The following TMEFF1 variants were observed in gnomAD, a reference collection of about 807,000 sequenced individuals.
TMEFF1 encodes transmembrane protein with EGF like and two follistatin like domains 1.
Under a neutral mutation model 47.5 loss-of-function variants are expected in TMEFF1, and 20 were observed. That is an observed-to-expected ratio of 0.42 (90% CI 0.30 to 0.61). TMEFF1 has a LOEUF of 0.61. Among genes scored for constraint, TMEFF1 ranks in the 20% least tolerant of loss-of-function variants. The probability of loss-of-function intolerance (pLI) is 0.19; values close to 1 mark genes in which losing one functional copy is unlikely to be tolerated. For synonymous variants in TMEFF1, 162 were observed against 166.3 expected (o/e 0.97, Z 0.20); for missense variants, 411 against 471.1 (o/e 0.87, Z 1.18).
chr9:100,576,382 T>G (rs1839354514), intron 9 of TMEFF1, 134 bp from the exon 10 acceptor site: 1 of 1,110,646 alleles, frequency 9.0e-7, no homozygotes, highest in Non-Finnish European at 1.3e-6. Flanking sequence ...AGATACCATC[T>G]CATTTCCCTT....
chr9:100,536,744 T>C (rs1838519699), intron 5 of TMEFF1, among the ~76,000 whole-genome samples: 1 of 152,226 alleles, frequency 6.6e-6, no homozygotes, highest in South Asian at 2.1e-4. Context: ...AACTGTAATG[T>C]ATATGAATCT....
At chr9:100,526,461 T>A (rs1806574921) in intron 5 of TMEFF1, among the ~76,000 whole-genome samples, 1 of 152,138 alleles carries the variant, frequency 6.6e-6, no homozygotes, top group Non-Finnish European at 1.5e-5. Context: ...TGTTTTAAGT[T>A]TTTTTTGCTG....
intron 8 of TMEFF1, among the ~76,000 whole-genome samples, chr9:100,570,106 G>A (rs910527794): frequency 6.6e-6 from 1 of 152,088 alleles, no homozygotes; most frequent in Non-Finnish European, 1.5e-5. Context: ...GCAAATGATA[G>A]GATTTCCTTC....
At chr9:100,527,380 C>T (rs987457795) in intron 5 of TMEFF1, among the ~76,000 whole-genome samples, 6 of 152,150 alleles carry the variant, frequency 3.9e-5, no homozygotes, top group Non-Finnish European at 8.8e-5. Flanking sequence ...TCAGTGGGTG[C>T]GCGCACAGTG....
chr9:100,487,895 G>T (rs1837482165), intron 1 of TMEFF1, among the ~76,000 whole-genome samples: 1 of 151,916 alleles, frequency 6.6e-6, no homozygotes, highest in Admixed American at 6.6e-5. Flanking sequence ...TAATGCACCA[G>T]AATTTTGTGA....
At chr9:100,541,603 A>C (rs564659965) in intron 5 of TMEFF1, among the ~76,000 whole-genome samples, 20 of 151,690 alleles carry the variant, frequency 1.3e-4, no homozygotes, top group African/African-American at 4.8e-4. Context: ...CAAACTCCTC[A>C]CCTCGTGATC....
intron 5 of TMEFF1, among the ~76,000 whole-genome samples, chr9:100,542,744 T>G (rs1368780363): frequency 1.3e-5 from 2 of 152,180 alleles, no homozygotes; most frequent in African/African-American, 4.8e-5. Context: ...GTGGATCCAT[T>G]TTTAGTAATC....
chr9:100,529,232 CACAT>C (rs1239021083), intron 5 of TMEFF1, among the ~76,000 whole-genome samples: 1 of 149,686 alleles, frequency 6.7e-6, no homozygotes, highest in African/African-American at 2.4e-5. Context: ...ATCAAATTCA[CACAT>C]AACAATATTA....
intron 1 of TMEFF1, among the ~76,000 whole-genome samples, chr9:100,485,044 A>G (rs1837423449): frequency 6.6e-6 from 1 of 152,182 alleles, no homozygotes; most frequent in Non-Finnish European, 1.5e-5. Flanking sequence ...ATCATACAAT[A>G]TGACCTTTTA....
chr9:100,480,536 G>A (rs761092334), intron 1 of TMEFF1, among the ~76,000 whole-genome samples: 3 of 152,142 alleles, frequency 2.0e-5, no homozygotes, highest in South Asian at 2.1e-4. Context: ...AAACAGAGTG[G>A]AGAAACCCTG....
chr9:100,517,674 A>G (rs1398889359), intron 5 of TMEFF1, among the ~76,000 whole-genome samples: 4 of 152,200 alleles, frequency 2.6e-5, no homozygotes, highest in Non-Finnish European at 1.5e-5. Flanking sequence ...AGTAAGTTCA[A>G]TAATAAATGA....
intron 7 of TMEFF1, among the ~76,000 whole-genome samples, chr9:100,554,954 A>G (rs532623769): frequency 7.2e-5 from 11 of 152,080 alleles, no homozygotes; most frequent in Admixed American, 2.0e-4. Flanking sequence ...TTGGTTGTAC[A>G]CTGTTGGACC....
chr9:100,491,994 T>G (rs1007884475), intron 1 of TMEFF1, among the ~76,000 whole-genome samples: 1 of 151,796 alleles, frequency 6.6e-6, no homozygotes, highest in Non-Finnish European at 1.5e-5. Context: ...CAAGCAATTC[T>G]CCTGCCTCAG....
chr9:100,558,530 C>A (rs1838958716), intron 7 of TMEFF1, among the ~76,000 whole-genome samples: 1 of 151,184 alleles, frequency 6.6e-6, no homozygotes, highest in Non-Finnish European at 1.5e-5. Context: ...TCAGGAAAGT[C>A]TTCTGCTTGG....
At chr9:100,480,035 T>C (rs143753428) in intron 1 of TMEFF1, among the ~76,000 whole-genome samples, 121 of 152,348 alleles carry the variant, frequency 7.9e-4, no homozygotes, top group African/African-American at 2.6e-3. Context: ...ACACTTGTTA[T>C]TGTCTGTCTG....
intron 5 of TMEFF1, among the ~76,000 whole-genome samples, chr9:100,546,110 G>A (rs980653667): frequency 1.3e-5 from 2 of 152,134 alleles, no homozygotes; most frequent in East Asian, 1.9e-4. Flanking sequence ...ACATTTTCAA[G>A]TATCTTTTCG....
intron 1 of TMEFF1, among the ~76,000 whole-genome samples, chr9:100,488,742 C>G (rs1251380207): frequency 6.6e-6 from 1 of 152,130 alleles, no homozygotes; most frequent in Non-Finnish European, 1.5e-5. Flanking sequence ...ACTAAGCTCA[C>G]ACAGCTGTGA....
At chr9:100,567,763 T>A (rs1839151745) in intron 8 of TMEFF1, among the ~76,000 whole-genome samples, 1 of 152,114 alleles carries the variant, frequency 6.6e-6, no homozygotes, top group South Asian at 2.1e-4. Context: ...CTCTAGGTAT[T>A]AGGAGAGTGT....
At chr9:100,574,021 C>T (rs1291253476) in intron 9 of TMEFF1, among the ~76,000 whole-genome samples, 4 of 143,884 alleles carry the variant, frequency 2.8e-5, no homozygotes, top group South Asian at 4.2e-4. Flanking sequence ...TGTGGTCATC[C>T]GACTAGTAAG....
Sources: gnomAD v4.1 joint callset for allele counts (sites outside exome capture counted in the v4.1 genomes callset) on GRCh38, gnomAD v4.1.1 for gene constraint, MANE v1.5 for transcripts, NCBI Gene and HGNC (gene_info 2026-07-23, HGNC 2026-07-21) for gene names.